BNC2: variants seen among roughly 807,000 people sequenced by gnomAD.
BNC2 encodes the protein zinc finger protein basonuclin-2.
In BNC2, 20 loss-of-function variants were observed where a neutral mutation model predicts 76.3. The ratio of observed to expected loss-of-function variants is 0.26; its 90% CI spans 0.18 to 0.38. The LOEUF (loss-of-function observed/expected upper bound fraction) is 0.38, where lower values mean the gene tolerates loss of function less well. Among genes scored for constraint, BNC2 ranks in the 10% least tolerant of loss-of-function variants. The probability of loss-of-function intolerance (pLI) is 1.00; values close to 1 mark genes in which losing one functional copy is unlikely to be tolerated. For synonymous variants in BNC2, 582 were observed against 514.8 expected, an observed-to-expected ratio of 1.13 and a Z score of -1.77; for missense variants, 1,382 against 1,399.8, an observed-to-expected ratio of 0.99 and a Z score of 0.20.
intron 1 of BNC2, among the ~76,000 whole-genome samples, chr9:16,820,422 G>T (rs778748242): frequency 1.9e-4 from 29 of 150,546 alleles, no homozygotes; most frequent in Middle Eastern, 3.4e-3. Context: ...GCAAAATTTC[G>T]TTCCAAAAAA....
chr9:16,738,383 C>T lies in BNC2; in HGVS notation c.106G>A (p.Gly36Arg), dbSNP rs746074143. 1 of 1,613,966 alleles carries T rather than the reference C, an allele frequency of 6.2e-7. No homozygotes were observed. The highest frequency in any genetic ancestry group is 2.2e-5 in the East Asian group (1 of 44,866). The change falls in exon 2 of 7, where the codon GGG (glycine) becomes AGG (arginine). Residue 36 changes from glycine to arginine, a missense_variant. Around this residue, in one of 3 missense-constraint regions of BNC2, gnomAD observed 557 missense variants for 540.9 expected, o/e 1.03. Transcript: ENST00000380672. ...ACCTCAATTTGAGATGTATCAACCC[C>T]ACAACATGGGACCTTGAAATATGCT... is the stretch of plus-strand genomic sequence containing the variant. ...WPAYFKVPCC[G>R]VDTSQIESEE...
chr9:16,788,371 G>A (rs559841064), intron 1 of BNC2, among the ~76,000 whole-genome samples: 1 of 151,876 alleles, frequency 6.6e-6, no homozygotes, highest in East Asian at 2.0e-4. Context: ...GGCTAACATG[G>A]TGAAACCCCG....
At chr9:16,547,775 T>G (rs1367816982) in intron 5 of BNC2, among the ~76,000 whole-genome samples, 2 of 152,080 alleles carry the variant, frequency 1.3e-5, no homozygotes, top group Non-Finnish European at 2.9e-5. Context: ...TGTTCAGAAC[T>G]AAGTACTTCA....
chr9:16,796,384 A>T (rs10962602), intron 1 of BNC2, among the ~76,000 whole-genome samples: 5,723 of 152,282 alleles, frequency 0.038, 263 homozygotes, highest in East Asian at 0.11. Flanking sequence ...CAGGACTAGG[A>T]AATTTAAAAC....
chr9:16,825,035 C>T (rs1818420433), intron 1 of BNC2, among the ~76,000 whole-genome samples: 1 of 101,792 alleles, frequency 9.8e-6, no homozygotes, highest in Non-Finnish European at 2.1e-5. Flanking sequence ...CATCTTTTTT[C>T]TTACCCCTCT....
rs752912241 is a variant in BNC2, at chr9:16,642,161, T to C, written c.331-59076A>G. Among the ~76,000 whole-genome samples the C allele has an allele frequency of 4.6e-5, 7 of 152,208 alleles. No homozygotes were observed. In the East Asian group the frequency reaches 1.3e-3, roughly 29 times the overall value. ...ACATGCTCCTTCCACTTCGTTATCC[T>C]TGAAATTACACCTAATATAATACAA... On this transcript the variant is annotated intron_variant, in intron 3 of 6. Coordinates refer to ENST00000380672, the MANE Select transcript of BNC2 (RefSeq NM_017637.6).
chr9:16,628,200 A>T (rs1335111145), intron 3 of BNC2, among the ~76,000 whole-genome samples: 2 of 152,202 alleles, frequency 1.3e-5, no homozygotes, highest in Non-Finnish European at 2.9e-5. Context: ...ACCAGCTTAG[A>T]ACAAGCCGGC....
intron 1 of BNC2, among the ~76,000 whole-genome samples, chr9:16,790,690 T>A (rs376176422): frequency 6.6e-5 from 10 of 152,156 alleles, no homozygotes; most frequent in African/African-American, 2.2e-4. Flanking sequence ...CTCTGTTACA[T>A]CTTCATCCTT....
chr9:16,635,506 G>T (rs1484647812), intron 3 of BNC2, among the ~76,000 whole-genome samples: 1 of 151,998 alleles, frequency 6.6e-6, no homozygotes, highest in Non-Finnish European at 1.5e-5. Flanking sequence ...AATAAATGTG[G>T]TCTGGTGTTT....
intron 1 of BNC2, among the ~76,000 whole-genome samples, chr9:16,851,334 C>T (rs1240379882): frequency 1.3e-5 from 2 of 149,948 alleles, no homozygotes; most frequent in Admixed American, 6.6e-5. Flanking sequence ...ATAGTGAGAC[C>T]TTGTCTCTAC....
At chr9:16,485,095 CACAG>C (rs1822134230) in intron 5 of BNC2, among the ~76,000 whole-genome samples, 1 of 118,400 alleles carries the variant, frequency 8.4e-6, no homozygotes, top group African/African-American at 4.4e-5. Flanking sequence ...CACACACACA[CACAG>C]AGACACACAC....
intron 5 of BNC2, among the ~76,000 whole-genome samples, chr9:16,505,090 G>A (rs1822597658): frequency 6.6e-6 from 1 of 152,194 alleles, no homozygotes; most frequent in Non-Finnish European, 1.5e-5. Flanking sequence ...TCCCTCATCT[G>A]TAAAATGGAA....
intron 5 of BNC2, among the ~76,000 whole-genome samples, chr9:16,529,928 A>C (rs969998892): frequency 1.3e-5 from 2 of 152,126 alleles, no homozygotes; most frequent in African/African-American, 2.4e-5. Context: ...GGCTCACCAC[A>C]ACCTCTGCCT....
chr9:16,711,328 G>C (rs982025267), intron 3 of BNC2, among the ~76,000 whole-genome samples: 9 of 152,140 alleles, frequency 5.9e-5, no homozygotes, highest in South Asian at 2.1e-4. Context: ...TGGTTGATTT[G>C]GGTTGTATTA....
At chr9:16,762,082 A>G (rs972999407) in intron 1 of BNC2, among the ~76,000 whole-genome samples, 1 of 152,192 alleles carries the variant, frequency 6.6e-6, no homozygotes, top group Non-Finnish European at 1.5e-5. Flanking sequence ...GTTACTTTAG[A>G]ATAGTGATAT....
chr9:16,498,355 C>T (rs1380384496), intron 5 of BNC2, among the ~76,000 whole-genome samples: 1 of 149,368 alleles, frequency 6.7e-6, no homozygotes, highest in African/African-American at 2.5e-5. Context: ...AATGAATTAA[C>T]AGCATTTGCA....
chr9:16,780,038 C>G (rs1239057573), intron 1 of BNC2, among the ~76,000 whole-genome samples: 1 of 151,240 alleles, frequency 6.6e-6, no homozygotes, highest in Non-Finnish European at 1.5e-5. Context: ...AGATCGAGAC[C>G]ATCCTGGCTA....
intron 1 of BNC2, among the ~76,000 whole-genome samples, chr9:16,837,316 C>T (rs903956703): frequency 6.6e-6 from 1 of 152,114 alleles, no homozygotes; most frequent in African/African-American, 2.4e-5. Context: ...CCAGCCTGGC[C>T]AACATAGTGA....
At chr9:16,668,684 T>C (rs1482753193) in intron 3 of BNC2, among the ~76,000 whole-genome samples, 1 of 152,238 alleles carries the variant, frequency 6.6e-6, no homozygotes. Context: ...CACAGATGTA[T>C]AATTTGGGTC....
Sources: gnomAD v4.1 joint callset for allele counts (sites outside exome capture counted in the v4.1 genomes callset) on GRCh38, gnomAD v4.1.1 for gene constraint, gnomAD v4.1.1 regional missense constraint, MANE v1.5 for transcripts, NCBI Gene and HGNC (gene_info 2026-07-23, HGNC 2026-07-21) for gene names.